The following PRDM16 variants were observed in gnomAD, a reference collection of about 807,000 sequenced individuals.
The protein encoded by PRDM16 is histone-lysine N-methyltransferase PRDM16.
A neutral mutation model predicts 110.6 loss-of-function variants in PRDM16; 23 were observed. The observed-to-expected ratio is 0.21, with a 90% CI of 0.15 to 0.29. The LOEUF is 0.29. Among genes scored for constraint, PRDM16 ranks in the 10% least tolerant of loss-of-function variants. PRDM16 has a pLI of 1.00. For synonymous variants in PRDM16, 799 were observed against 781.8 expected, an observed-to-expected ratio of 1.02 and a Z score of -0.37; for missense variants, 1,615 against 1,794.3, an observed-to-expected ratio of 0.90 and a Z score of 1.81.
At chr1:3,169,225 T>C (rs59663420) in intron 1 of PRDM16, among the ~76,000 whole-genome samples, 9,208 of 152,238 alleles carry the variant, frequency 0.06, 793 homozygotes, top group East Asian at 0.23. Context: ...ACAAAACCCA[T>C]GGTTTGGAAC....
chr1:3,113,426 C>G (rs888340978), intron 1 of PRDM16, among the ~76,000 whole-genome samples: 3 of 148,534 alleles, frequency 2.0e-5, no homozygotes, highest in Non-Finnish European at 4.4e-5. Flanking sequence ...TGGGGATGCC[C>G]AGGACCTGCA....
chr1:3,294,877 C>A (rs1182658335), intron 3 of PRDM16, among the ~76,000 whole-genome samples: 1 of 152,176 alleles, frequency 6.6e-6, no homozygotes, highest in Non-Finnish European at 1.5e-5. Context: ...CAGAACCAAC[C>A]CCACGTGCCT....
intron 1 of PRDM16, among the ~76,000 whole-genome samples, chr1:3,146,226 G>A (rs1364037512): frequency 6.6e-6 from 1 of 152,246 alleles, no homozygotes; most frequent in Admixed American, 6.5e-5. Flanking sequence ...TGGAAACGGG[G>A]GGGCCCGCTA....
At chr1:3,236,302 G>A (rs1212849427) in intron 2 of PRDM16, among the ~76,000 whole-genome samples, 1 of 152,188 alleles carries the variant, frequency 6.6e-6, no homozygotes, top group East Asian at 1.9e-4. Context: ...GGCTTCCCAG[G>A]CCAGGAGCAG....
chr1:3,085,788 AGCAGGTGGCCCT>A (rs1298293547), intron 1 of PRDM16, among the ~76,000 whole-genome samples: 1 of 152,240 alleles, frequency 6.6e-6, no homozygotes, highest in Admixed American at 6.5e-5. Flanking sequence ...TCGGGTGGGC[AGCAGGTGGCCCT>A]CAGCCAGGAC....
intron 14 of PRDM16, among the ~76,000 whole-genome samples, chr1:3,426,824 G>A (rs142701122): frequency 6.1e-4 from 93 of 152,304 alleles, no homozygotes; most frequent in South Asian, 1.9e-3. Flanking sequence ...CTGGGGACAG[G>A]GCAGGACGTG....
intron 3 of PRDM16, among the ~76,000 whole-genome samples, chr1:3,294,843 T>C (rs776818646): frequency 2.6e-4 from 40 of 152,166 alleles, no homozygotes; most frequent in Non-Finnish European, 5.1e-4. Flanking sequence ...TTATTTTCCC[T>C]TTTCTCTGAT....
intron 3 of PRDM16, among the ~76,000 whole-genome samples, chr1:3,314,896 C>T (rs1641562994): frequency 6.6e-6 from 1 of 152,162 alleles, no homozygotes; most frequent in African/African-American, 2.4e-5. Flanking sequence ...GTAGCAGCTC[C>T]AAATGTCTTC....
chr1:3,382,714 C>G lies in PRDM16; in HGVS notation c.439-2438C>G, dbSNP rs187673747. 6.2e-4 allele frequency among the ~76,000 whole-genome samples: 94 copies of G among 152,302 alleles called. No homozygotes were observed. Among genetic ancestry groups the G allele is most frequent in the Admixed American group, 1.2e-3 (18 of 15,306 alleles). On this transcript the variant is annotated intron_variant, in intron 3 of 16. Transcript: ENST00000270722. This position sits in a 1 kb window ranked among gnomAD's most constrained non-coding sequence, Gnocchi z 6.6. ...TGCACTCAGGAGCACGTACTCCTGG[C>G]TGCACCAATGGGGTGCTGTGACCCA... is the stretch of plus-strand genomic sequence containing the variant.
In PRDM16 at chr1:3,243,002, G is replaced by A. The variant is rs1569910975; in HGVS notation, c.388-1085G>A. ...GCACTCTGGGATGGGTCACTGAGACGCCGCCACTCTGGAGTGCAGCCTGGT... is the reference window on the plus strand; with the variant it reads ...GCACTCTGGGATGGGTCACTGAGACACCGCCACTCTGGAGTGCAGCCTGGT... On this transcript the variant is annotated intron_variant, in intron 2 of 16. Coordinates refer to ENST00000270722, the MANE Select transcript of PRDM16 (RefSeq NM_022114.4). This position sits in a 1 kb window ranked among gnomAD's most constrained non-coding sequence, Gnocchi z 5.5. Among the ~76,000 whole-genome samples, 3 of 152,312 alleles carry A rather than the reference G, an allele frequency of 2.0e-5. No individual in the cohort carries two copies. The highest frequency in any genetic ancestry group is 7.2e-5 in the African/African-American group (3 of 41,576).
At chr1:3,314,086 G>A (rs1448574418) in intron 3 of PRDM16, among the ~76,000 whole-genome samples, 2 of 151,126 alleles carry the variant, frequency 1.3e-5, no homozygotes, top group Non-Finnish European at 2.9e-5. Flanking sequence ...GGGGGGGCGG[G>A]AACATAAAAT....
intron 3 of PRDM16, among the ~76,000 whole-genome samples, chr1:3,267,268 G>C (rs1640316959): frequency 6.6e-6 from 1 of 152,152 alleles, no homozygotes; most frequent in South Asian, 2.1e-4. Flanking sequence ...GTCATGCAGC[G>C]TGTGGCTCTT....
In PRDM16 at chr1:3,405,036, C is replaced by G. The variant is rs530086689; in HGVS notation, c.1032+150C>G. ...GCCCCTGCGGTGGCTCGGGCCCTTC[C>G]GTGTGACTAGGAAGGAAAGGAAGTC... On this transcript the variant is annotated intron_variant, in intron 7 of 16. Transcript: ENST00000270722. The G allele has an allele frequency of 9.3e-5, 73 of 788,496 alleles. No individual in the cohort carries two copies. The African/African-American group carries it at 1.0e-3, about 11-fold the overall frequency. 48.8% of individuals were successfully genotyped at this position (788,496 alleles called of 1,614,324 possible).
intron 1 of PRDM16, among the ~76,000 whole-genome samples, chr1:3,126,302 G>T (rs978225167): frequency 6.6e-6 from 1 of 152,172 alleles, no homozygotes; most frequent in Non-Finnish European, 1.5e-5. Context: ...CTGGCCCCAG[G>T]CCAGCCCTGG....
At chr1:3,194,681 T>TCGCCACACGCCATCGTCTCCC (rs1404092447) in intron 2 of PRDM16, among the ~76,000 whole-genome samples, 19,789 of 94,540 alleles carry the variant, frequency 0.21, 1,884 homozygotes, top group African/African-American at 0.41. Context: ...CACCGTCTGA[T>TCGCCACACGCCATCGTCTCCC]CGCCACACGC....
In PRDM16 at chr1:3,436,842, G is replaced by T. The variant is rs1638923162; in HGVS notation, c.*3031G>T. On this transcript the variant is annotated 3_prime_UTR_variant, in exon 17 of 17. Coordinates refer to ENST00000270722, the MANE Select transcript of PRDM16 (RefSeq NM_022114.4). ...CCAGGGTCAGGGCTGCAAGCCAGGG[G>T]TCCAGGGCCCTTCCGTTCAGCCCAA... 3 of 233,144 alleles carry T rather than the reference G, an allele frequency of 1.3e-5. No individual in the cohort carries two copies. Among genetic ancestry groups the T allele is most frequent in the Non-Finnish European group, 2.5e-5 (3 of 118,058 alleles). The allele number at this position is 233,144 out of a possible 1,614,324, so 14.4% of individuals were successfully genotyped here. A position where few individuals can be genotyped will look rare whatever the true frequency, so the allele number is the denominator to read the frequency against.
Position 3,246,161 on chromosome 1 carries a change from G to A in PRDM16, c.438+2024G>A, listed in dbSNP as rs1218070590. 3.9e-5 allele frequency among the ~76,000 whole-genome samples: 6 copies of A among 152,168 alleles called. No homozygotes were observed. Among genetic ancestry groups the A allele is most frequent in the Non-Finnish European group, 5.9e-5 (4 of 68,038 alleles). The stretch of plus-strand genomic sequence containing the variant: ...AGTGGGCGCCGCCTTCTGTGCCTCT[G>A]GGCCACGGTGGGTTTGCCTTTGTGT... On this transcript the variant is annotated intron_variant, in intron 3 of 16. Transcript: ENST00000270722. This position sits in a 1 kb window ranked among gnomAD's most constrained non-coding sequence, Gnocchi z 5.2.
Position 3,135,465 on chromosome 1 carries a change from GT to G in PRDM16, c.38-50659del, listed in dbSNP as rs1643418523. Among the ~76,000 whole-genome samples, 4 of 152,346 alleles carry G rather than the reference GT, an allele frequency of 2.6e-5. No homozygotes were observed. In the South Asian group the frequency reaches 8.3e-4, roughly 32 times the overall value. ...GGGCGTCCTGGGAAGGGGTTTCACA[GT>G]GAGTTCAACGTGCCAGGAGCTCTTA... is the stretch of plus-strand genomic sequence containing the variant. On this transcript the variant is annotated intron_variant, in intron 1 of 16. Coordinates refer to ENST00000270722, the MANE Select transcript of PRDM16 (RefSeq NM_022114.4).
chr1:3,431,238 A>C (rs902980160), intron 15 of PRDM16, 130 bp downstream of exon 15: 2 of 1,411,254 alleles, frequency 1.4e-6, no homozygotes, highest in Non-Finnish European at 1.9e-6. Flanking sequence ...CAGCCACCTC[A>C]GGGCCTCCAC....
Sources: allele counts gnomAD v4.1 joint callset (sites outside exome capture counted in the v4.1 genomes callset), GRCh38; gene constraint gnomAD v4.1.1; non-coding constraint Gnocchi (gnomAD v3.1); transcripts MANE v1.5; gene names NCBI Gene and HGNC (gene_info 2026-07-23, HGNC 2026-07-21).